The following LURAP1 variants were observed in gnomAD, a reference collection of about 807,000 sequenced individuals.
The protein encoded by LURAP1 is NF-kappa-B activator C1orf190.
In LURAP1, 14 loss-of-function variants were observed where a neutral mutation model predicts 19.0. The ratio of observed to expected loss-of-function variants is 0.74; its 90% CI spans 0.49 to 1.15. The LOEUF is 1.15. Among genes scored for constraint, LURAP1 ranks in the 50% most tolerant of loss-of-function variants. The pLI is 0.00. For missense variants in LURAP1, 273 were observed against 309.1 expected (o/e 0.88, Z 0.87); for synonymous variants, 129 against 131.8 (o/e 0.98, Z 0.14).
At chr1:46,209,744 C>T (rs1238216936) in intron 1 of LURAP1, among the ~76,000 whole-genome samples, 3 of 151,834 alleles carry the variant, frequency 2.0e-5, no homozygotes, top group Non-Finnish European at 4.4e-5. Flanking sequence ...CTCCTGACCT[C>T]GGGTAATCCA....
In LURAP1 at chr1:46,210,059, A is replaced by G. The variant is rs558736026; in HGVS notation, c.198+6435A>G. ...GTACAGTCTGATATTGCAGTTATTT[A>G]TGTTCATCTCCCCTTATTGAGACTG... On this transcript the variant is annotated intron_variant, in intron 1 of 1. Transcript: ENST00000371980. Among the ~76,000 whole-genome samples, 5 of 152,268 alleles carry G rather than the reference A, an allele frequency of 3.3e-5. No individual in the cohort carries two copies. In the East Asian group the frequency reaches 9.6e-4, roughly 29 times the overall value.
At chr1:46,217,370 T>TATA (rs1220824442) in intron 1 of LURAP1, among the ~76,000 whole-genome samples, 2 of 150,912 alleles carry the variant, frequency 1.3e-5, no homozygotes, top group African/African-American at 2.4e-5. Flanking sequence ...AACTAGGCAA[T>TATA]ATAATAATAA....
At chr1:46,215,469 C>G (rs985126440) in intron 1 of LURAP1, among the ~76,000 whole-genome samples, 1 of 152,162 alleles carries the variant, frequency 6.6e-6, no homozygotes, top group Non-Finnish European at 1.5e-5. Context: ...CACACCATGG[C>G]AAATTGCTGT....
In LURAP1 at chr1:46,220,120, A is replaced by G. The variant is rs62620990; in HGVS notation, c.620A>G (p.Gln207Arg). Reference protein sequence around the residue: ...AVWKPPGERLQGGPPESPEDE... With the variant: ...AVWKPPGERLRGGPPESPEDE... ...TGGAAGCCCCCAGGGGAGAGGCTTC[A>G]AGGTGGACCACCTGAGTCACCAGAG... is the stretch of plus-strand genomic sequence containing the variant. The change falls in exon 2 of 2, where the codon CAA (glutamine) becomes CGA (arginine). Residue 207 changes from glutamine to arginine, a missense_variant. Gln to Arg is a conservative substitution (Grantham distance 43). Transcript: ENST00000371980. The G allele has an allele frequency of 0.035, 55,725 of 1,614,194 alleles. 1,132 individuals are homozygous for G. The highest frequency in any genetic ancestry group is 0.063 in the Middle Eastern group (382 of 6,060).
chr1:46,216,824 A>G (rs1356686108), intron 1 of LURAP1, among the ~76,000 whole-genome samples: 2 of 152,172 alleles, frequency 1.3e-5, no homozygotes, highest in African/African-American at 2.4e-5. Context: ...CCCAGTGTCT[A>G]TCATTACCAT....
chr1:46,218,986 A>C (rs558741208), intron 1 of LURAP1, among the ~76,000 whole-genome samples: 16 of 152,174 alleles, frequency 1.1e-4, no homozygotes, highest in Admixed American at 7.9e-4. Context: ...TCTGGTGAAT[A>C]TGGGCAGGCT....
intron 1 of LURAP1, among the ~76,000 whole-genome samples, chr1:46,215,130 G>A (rs958244988): frequency 1.3e-5 from 2 of 151,128 alleles, no homozygotes; most frequent in African/African-American, 4.9e-5. Flanking sequence ...GGAGGCTGAG[G>A]CAGGAGAATG....
intron 1 of LURAP1, among the ~76,000 whole-genome samples, chr1:46,210,664 G>C (rs1404988178): frequency 6.6e-6 from 1 of 152,218 alleles, no homozygotes; most frequent in East Asian, 1.9e-4. Context: ...TAGATGAAGA[G>C]ATGCATGGGG....
chr1:46,209,782 A>C (rs1006419796), intron 1 of LURAP1, among the ~76,000 whole-genome samples: 13 of 152,074 alleles, frequency 8.5e-5, no homozygotes, highest in Admixed American at 6.6e-4. Context: ...AAGTGCTGGG[A>C]TTACAAGCAT....
rs10157907 is a variant in LURAP1, at chr1:46,220,476, A to C, written c.*256A>C. On this transcript the variant is annotated 3_prime_UTR_variant, in exon 2 of 2. Transcript: ENST00000371980. Reference sequence around the variant, plus strand: ...ACAGGGTCTTATGCTGTTACCCAAGATAGAGAGCAGTGGCATGATCACAGC... The same window carrying C: ...ACAGGGTCTTATGCTGTTACCCAAGCTAGAGAGCAGTGGCATGATCACAGC... 6.1e-3 allele frequency: 2,572 copies of C among 419,568 alleles called. 41 individuals are homozygous for C. Among genetic ancestry groups the C allele is most frequent in the African/African-American group, 0.032 (1,616 of 49,766 alleles). The allele number at this position is 419,568 out of a possible 1,614,324, so 26.0% of individuals were successfully genotyped here.
chr1:46,211,464 C>T (rs941331223), intron 1 of LURAP1, among the ~76,000 whole-genome samples: 1 of 152,062 alleles, frequency 6.6e-6, no homozygotes. Flanking sequence ...CACACACACA[C>T]ACACACACAC....
chr1:46,215,883 G>A (rs1659049468), intron 1 of LURAP1, among the ~76,000 whole-genome samples: 2 of 152,126 alleles, frequency 1.3e-5, no homozygotes, highest in African/African-American at 4.8e-5. Context: ...CTGGGCTATA[G>A]AGTAAGACCC....
At chr1:46,208,485 G>C (rs1408928049) in intron 1 of LURAP1, among the ~76,000 whole-genome samples, 1 of 152,114 alleles carries the variant, frequency 6.6e-6, no homozygotes, top group African/African-American at 2.4e-5. Flanking sequence ...AGACTTCCTC[G>C]AGGAGGTGAC....
rs1659201056 is a variant in LURAP1 at position 46,220,288 on chromosome 1, A to T, written c.*68A>T. 1 of 1,481,044 alleles carries T rather than the reference A, an allele frequency of 6.8e-7. No homozygotes were observed. Among genetic ancestry groups the T allele is most frequent in the African/African-American group, 1.4e-5 (1 of 71,494 alleles). 91.7% of individuals were successfully genotyped at this position (1,481,044 alleles called of 1,614,324 possible). On this transcript the variant is annotated 3_prime_UTR_variant, in exon 2 of 2. Coordinates refer to ENST00000371980, the MANE Select transcript of LURAP1 (RefSeq NM_001013615.3). Reference sequence around the variant, plus strand: ...TTAGATGTGGTCTCCCCCAAAATTGATTCTCCCTCAGTCTGAGACTAGGAA... The same window carrying T: ...TTAGATGTGGTCTCCCCCAAAATTGTTTCTCCCTCAGTCTGAGACTAGGAA...
rs138211805 is a variant in LURAP1 at position 46,220,002 on chromosome 1, G to A, written c.502G>A (p.Glu168Lys). The A allele has an allele frequency of 1.4e-5, 22 of 1,614,242 alleles. No homozygotes were observed. Among genetic ancestry groups the A allele is most frequent in the African/African-American group, 1.2e-4 (9 of 75,076 alleles). The change falls in exon 2 of 2, where the codon GAG becomes AAG. Residue 168 changes from glutamate (E) to lysine (K), a missense_variant. Glu to Lys is a moderately conservative substitution (Grantham distance 56). Transcript: ENST00000371980. ...EQGPPGAPRSEMDWAKVIAGG... is the reference protein window; with the variant it reads ...EQGPPGAPRSKMDWAKVIAGG... Reference sequence around the variant, plus strand: ...GGGCCCACCTGGGGCTCCACGTTCCGAGATGGACTGGGCAAAAGTTATAGC... The same window carrying A: ...GGGCCCACCTGGGGCTCCACGTTCCAAGATGGACTGGGCAAAAGTTATAGC...
chr1:46,219,295 CAAA>C (rs747473864), intron 1 of LURAP1, among the ~76,000 whole-genome samples: 3 of 97,568 alleles, frequency 3.1e-5, no homozygotes, highest in Non-Finnish European at 4.4e-5. Context: ...AACTCCATTT[CAAA>C]AAAAAAAAAA....
In LURAP1 at chr1:46,203,580, G is replaced by C. The variant is rs771110165; in HGVS notation, c.154G>C (p.Gly52Arg). 6.3e-7 allele frequency: 1 copy of C among 1,581,732 alleles called. No individual in the cohort carries two copies. The highest frequency in any genetic ancestry group is 8.6e-7 in the Non-Finnish European group (1 of 1,167,042). The change falls in exon 1 of 2, where the codon GGC becomes CGC. Residue 52 changes from glycine to arginine, a missense_variant. By Grantham distance (125) the Gly-to-Arg change is moderately radical. Coordinates refer to ENST00000371980, the MANE Select transcript of LURAP1 (RefSeq NM_001013615.3). ...GCTGCTCCCAGGGGCGTCTAGCACC[G>C]GCCACGACTTGGGGGACAAGATCAT... ...ALLLPGASST[G>R]HDLGDKIMAL...
chr1:46,209,203 T>C lies in LURAP1; in HGVS notation c.198+5579T>C, dbSNP rs558721984. ...CCATGCCCAGCTAATTTTGTATTTT[T>C]CGTAGAGATGGGGTTGCTCCATGTT... is the stretch of plus-strand genomic sequence containing the variant. On this transcript the variant is annotated intron_variant, in intron 1 of 1. Coordinates refer to ENST00000371980, the MANE Select transcript of LURAP1 (RefSeq NM_001013615.3). Among the ~76,000 whole-genome samples the C allele has an allele frequency of 2.0e-5, 3 of 152,258 alleles. No homozygotes were observed. The East Asian group carries it at 5.8e-4, about 29-fold the overall frequency.
At chr1:46,210,272 G>C (rs1267571086) in intron 1 of LURAP1, among the ~76,000 whole-genome samples, 1 of 152,058 alleles carries the variant, frequency 6.6e-6, no homozygotes, top group African/African-American at 2.4e-5. Flanking sequence ...AACTGTGTGT[G>C]TGTGTTTTTT....
Sources: allele counts gnomAD v4.1 joint callset (sites outside exome capture counted in the v4.1 genomes callset), GRCh38; gene constraint gnomAD v4.1.1; transcripts MANE v1.5; gene names NCBI Gene and HGNC (gene_info 2026-07-23, HGNC 2026-07-21).